The following TAX1BP3 variants were observed in gnomAD, a reference collection of about 807,000 sequenced individuals.
TAX1BP3 encodes Tax1 binding protein 3, also known as tax1-binding protein 3.
A neutral mutation model predicts 15.3 loss-of-function variants in TAX1BP3; 13 were observed. The observed-to-expected ratio is 0.85, with a 90% CI of 0.55 to 1.35. The LOEUF (loss-of-function observed/expected upper bound fraction) is 1.35, where lower values mean the gene tolerates loss of function less well. TAX1BP3 is among the 40% of genes most tolerant of loss of function. TAX1BP3 has a pLI of 0.00. For synonymous variants in TAX1BP3, 70 were observed against 66.0 expected (o/e 1.06, Z -0.30); for missense variants, 147 against 169.6 (o/e 0.87, Z 0.74).
Position 3,664,794 on chromosome 17 carries a change from C to A in TAX1BP3, c.44G>T (p.Arg15Ile), listed in dbSNP as rs1422472833. 1 of 1,612,946 alleles carries A rather than the reference C, an allele frequency of 6.2e-7. No homozygotes were observed. The highest frequency in any genetic ancestry group is 1.3e-5 in the African/African-American group (1 of 74,978). Reference sequence around the variant, plus strand: ...TTGACGCAGCTTGTGAATTTCAACTCTTTGCTGGCAAAGAAAAAAGCCAGT... The same window carrying A: ...TTGACGCAGCTTGTGAATTTCAACTATTTGCTGGCAAAGAAAAAAGCCAGT... ...PGQPVTAVVQ[R>I]VEIHKLRQGE... The change falls in exon 2 of 4, where the codon AGA becomes ATA. Residue 15 changes from arginine (R) to isoleucine (I), a missense_variant. Physicochemically the swap from Arg to Ile is moderately conservative, Grantham distance 97 (BLOSUM62 -3). Coordinates refer to ENST00000225525, the MANE Select transcript of TAX1BP3 (RefSeq NM_014604.4).
At position 3,668,554 on chromosome 17, in the gene TAX1BP3, C is replaced by T. The variant is rs763969015; in HGVS notation, c.-28G>A. ...CGACCCTGCTCTGGTCGCCCAGCGC[C>T]GCTCCGAGAAGCCGGCAGCAGAGTA... is the stretch of plus-strand genomic sequence containing the variant. On this transcript the variant is annotated 5_prime_UTR_variant, in exon 1 of 4. Coordinates refer to ENST00000225525, the MANE Select transcript of TAX1BP3 (RefSeq NM_014604.4). This position sits in a 1 kb window ranked among gnomAD's most constrained non-coding sequence, Gnocchi z 4.1. The T allele has an allele frequency of 2.9e-5, 46 of 1,590,082 alleles. No individual in the cohort carries two copies. The highest frequency in any genetic ancestry group is 3.5e-5 in the Non-Finnish European group (41 of 1,170,188).
intron 2 of TAX1BP3, 199 bp from the exon 3 acceptor site, chr17:3,664,471 CCGCCTCCTG>C (rs2076316637): frequency 1.1e-6 from 1 of 930,286 alleles, no homozygotes; most frequent in Non-Finnish European, 1.7e-6. Context: ...CTGCTGATGG[CCGCCTCCTG>C]CTCCTCCTGG....
rs1183486501 is a variant in TAX1BP3, at chr17:3,665,684, C to T, written c.40-886G>A. On this transcript the variant is annotated intron_variant, in intron 1 of 3. Transcript: ENST00000225525. Reference sequence around the variant, plus strand: ...CGCCTGAGCTGCTGGAACCTATTCCCTATGAATTCATGGCATAATAGGTGT... The same window carrying T: ...CGCCTGAGCTGCTGGAACCTATTCCTTATGAATTCATGGCATAATAGGTGT... 1.1e-5 allele frequency: 8 copies of T among 750,186 alleles called. 1 individual carries two copies. The highest frequency in any genetic ancestry group is 1.8e-5 in the Non-Finnish European group (8 of 453,566). The allele number at this position is 750,186 out of a possible 1,614,324, so 46.5% of individuals were successfully genotyped here.
chr17:3,665,686 A>G, intron 1 of TAX1BP3: 3 of 754,048 alleles, frequency 4.0e-6, no homozygotes, highest in South Asian at 1.3e-5. Flanking sequence ...CCTATTCCCT[A>G]TGAATTCATG....
Position 3,665,765 on chromosome 17 carries a change from A to G in TAX1BP3, c.40-967T>C, listed in dbSNP as rs1490470180. 1.6e-5 allele frequency: 10 copies of G among 607,844 alleles called. No homozygotes were observed. The African/African-American group carries it at 1.7e-4, about 11-fold the overall frequency. The allele number at this position is 607,844 out of a possible 1,614,324, so 37.7% of individuals were successfully genotyped here. A position where few individuals can be genotyped will look rare whatever the true frequency, so the allele number is the denominator to read the frequency against. On this transcript the variant is annotated intron_variant, in intron 1 of 3. Transcript: ENST00000225525. The stretch of plus-strand genomic sequence containing the variant: ...TCCAAAAAAAAAAAAAAAAAAAAAA[A>G]GAAAGGAGAGGAAGGGCTTGCCGGC...
At chr17:3,664,536 A>C (rs752775794) in intron 2 of TAX1BP3, 143 bp downstream of exon 2, 4 of 1,230,996 alleles carry the variant, frequency 3.2e-6, no homozygotes, top group Non-Finnish European at 2.3e-6. Flanking sequence ...CCTTATTCTC[A>C]CTAGGTCACT....
Position 3,668,535 on chromosome 17 carries a change from T to G in TAX1BP3, c.-9A>C. 6.2e-7 allele frequency: 1 copy of G among 1,603,204 alleles called. No homozygotes were observed. The highest frequency in any genetic ancestry group is 8.5e-7 in the Non-Finnish European group (1 of 1,176,240). On this transcript the variant is annotated 5_prime_UTR_variant, in exon 1 of 4. Transcript: ENST00000225525. The surrounding 1 kb of genome is among the most constrained non-coding windows in gnomAD (Gnocchi z 4.1). Reference sequence around the variant, plus strand: ...CCCGGGATGTAGGACATCTCGACCCTGCTCTGGTCGCCCAGCGCCGCTCCG... The same window carrying G: ...CCCGGGATGTAGGACATCTCGACCCGGCTCTGGTCGCCCAGCGCCGCTCCG...
chr17:3,665,741 C>A (rs1139395), intron 1 of TAX1BP3: 225,219 of 257,090 alleles, frequency 0.88, 96,847 homozygotes, highest in Admixed American at 0.91. Flanking sequence ...TCTCTGGGCT[C>A]CAAAAAAAAA....
Position 3,668,542 on chromosome 17 carries a change from G to A in TAX1BP3, c.-16C>T, listed in dbSNP as rs181134912. On this transcript the variant is annotated 5_prime_UTR_variant, in exon 1 of 4. Coordinates refer to ENST00000225525, the MANE Select transcript of TAX1BP3 (RefSeq NM_014604.4). The surrounding 1 kb of genome is among the most constrained non-coding windows in gnomAD (Gnocchi z 4.1). ...TGTAGGACATCTCGACCCTGCTCTG[G>A]TCGCCCAGCGCCGCTCCGAGAAGCC... The A allele has an allele frequency of 5.2e-5, 83 of 1,599,076 alleles. No individual in the cohort carries two copies. The African/African-American group carries it at 7.8e-4, about 15-fold the overall frequency.
Position 3,665,799 on chromosome 17 carries a change from C to G in TAX1BP3, c.40-1001G>C, listed in dbSNP as rs2076335111. On this transcript the variant is annotated intron_variant, in intron 1 of 3. Transcript: ENST00000225525. ...AGGAAGGGCTTGCCGGCCACGGGGA[C>G]CAGCGCACAGGGTGCCGTGGATACG... The G allele has an allele frequency of 1.2e-5, 8 of 641,298 alleles. No individual in the cohort carries two copies. The East Asian group carries it at 2.2e-4, about 17-fold the overall frequency. 39.7% of individuals were successfully genotyped at this position (641,298 alleles called of 1,614,324 possible). A position where few individuals can be genotyped will look rare whatever the true frequency, so the allele number is the denominator to read the frequency against.
intron 1 of TAX1BP3, among the ~76,000 whole-genome samples, chr17:3,666,372 C>T (rs1231846914): frequency 6.6e-6 from 1 of 151,986 alleles, no homozygotes; most frequent in Non-Finnish European, 1.5e-5. Context: ...GTGCAGAGGC[C>T]GGGGGACATG....
intron 1 of TAX1BP3, chr17:3,665,757 AAAAAAAAAG>A: frequency 1.6e-6 from 1 of 615,378 alleles, no homozygotes. Flanking sequence ...AAAAAAAAAA[AAAAAAAAAG>A]AAAGGAGAGG....
chr17:3,666,800 G>A (rs2076343253), intron 1 of TAX1BP3, among the ~76,000 whole-genome samples: 1 of 152,192 alleles, frequency 6.6e-6, no homozygotes, highest in African/African-American at 2.4e-5. Context: ...TATGGCGTGA[G>A]GGAGGGGGGC....
chr17:3,663,824 C>T lies in TAX1BP3; in HGVS notation c.299G>A (p.Arg100His), dbSNP rs376197074. The change falls in exon 4 of 4, where the codon CGC (arginine) becomes CAC (histidine). Residue 100 changes from arginine (R) to histidine (H), a missense_variant. Coordinates refer to ENST00000225525, the MANE Select transcript of TAX1BP3 (RefSeq NM_014604.4). ...CAGCAGACGCACCACCTCCTCCGAG[C>T]GCTTGGTGAGCCGCTTGCGGGCCTG... Reference protein sequence around the residue: ...HDQARKRLTKRSEEVVRLLVT... With the variant: ...HDQARKRLTKHSEEVVRLLVT... 3.3e-5 allele frequency: 53 copies of T among 1,609,472 alleles called. No homozygotes were observed. Among genetic ancestry groups the T allele is most frequent in the African/African-American group, 5.3e-5 (4 of 74,930 alleles).
In TAX1BP3 at chr17:3,668,527, C is replaced by T. The variant is rs773391017; in HGVS notation, c.-1G>A. ...CCGGCTGGCCCGGGATGTAGGACAT[C>T]TCGACCCTGCTCTGGTCGCCCAGCG... On this transcript the variant is annotated 5_prime_UTR_variant, in exon 1 of 4. Coordinates refer to ENST00000225525, the MANE Select transcript of TAX1BP3 (RefSeq NM_014604.4). The surrounding 1 kb of genome is among the most constrained non-coding windows in gnomAD (Gnocchi z 4.1). 8.1e-5 allele frequency: 130 copies of T among 1,605,446 alleles called. No homozygotes were observed. The highest frequency in any genetic ancestry group is 1.0e-4 in the Non-Finnish European group (122 of 1,177,216).
Position 3,663,566 on chromosome 17 carries a change from T to TCCCAGAGGC in TAX1BP3, c.*173_*181dup. On this transcript the variant is annotated 3_prime_UTR_variant, in exon 4 of 4. Transcript: ENST00000225525. Reference sequence around the variant, plus strand: ...CTCGGTGTCCAGGAGAGAAAGCCGGTCCCAGAGGCCCCAGGCCAGGGATGG... The same window carrying TCCCAGAGGC: ...CTCGGTGTCCAGGAGAGAAAGCCGGTCCCAGAGGCCCCAGAGGCCCCAGGCCAGGGATGG... 3.4e-6 allele frequency: 3 copies of TCCCAGAGGC among 874,604 alleles called. No individual in the cohort carries two copies. Among genetic ancestry groups the TCCCAGAGGC allele is most frequent in the Non-Finnish European group, 4.9e-6 (3 of 618,320 alleles). 54.2% of individuals were successfully genotyped at this position (874,604 alleles called of 1,614,324 possible). A position where few individuals can be genotyped will look rare whatever the true frequency, so the allele number is the denominator to read the frequency against.
At chr17:3,663,922 C>T in intron 3 of TAX1BP3, 37 bp from the exon 4 acceptor site, 6 of 1,587,524 alleles carry the variant, frequency 3.8e-6, no homozygotes, top group Middle Eastern at 2.2e-4. Flanking sequence ...ACCTCAGCTC[C>T]CCGCCCTCTG....
chr17:3,664,457 G>A (rs770936465), intron 2 of TAX1BP3, 185 bp from the exon 3 acceptor site: 15 of 927,310 alleles, frequency 1.6e-5, no homozygotes, highest in East Asian at 1.1e-4. Context: ...ACCATGCACC[G>A]GCCCTGCTGA....
At chr17:3,665,320 A>G (rs892846999) in intron 1 of TAX1BP3, 4 of 1,262,346 alleles carry the variant, frequency 3.2e-6, no homozygotes, top group African/African-American at 1.5e-5. Flanking sequence ...ATGCGAATCT[A>G]TAAGAAAGGT....
Sources: allele counts gnomAD v4.1 joint callset (sites outside exome capture counted in the v4.1 genomes callset), GRCh38; gene constraint gnomAD v4.1.1; non-coding constraint Gnocchi (gnomAD v3.1); transcripts MANE v1.5; gene names NCBI Gene and HGNC (gene_info 2026-07-23, HGNC 2026-07-21).